The following ZNF783 variants were observed in gnomAD, a reference collection of about 807,000 sequenced individuals.
ZNF783 encodes protein ZNF783.
A neutral mutation model predicts 31.3 loss-of-function variants in ZNF783; 25 were observed. That is an observed-to-expected ratio of 0.80 (90% CI 0.58 to 1.11). The LOEUF (loss-of-function observed/expected upper bound fraction) is 1.11. ZNF783 is among the 50% of genes most tolerant of loss of function. ZNF783 has a pLI of 0.00. For synonymous variants in ZNF783, 369 were observed against 319.1 expected, an observed-to-expected ratio of 1.16 and a Z score of -1.66; for missense variants, 797 against 760.0, an observed-to-expected ratio of 1.05 and a Z score of -0.57.
At chr7:149,280,940 C>T (rs1018047388) in intron 5 of ZNF783, among the ~76,000 whole-genome samples, 8 of 152,246 alleles carry the variant, frequency 5.3e-5, no homozygotes, top group African/African-American at 1.9e-4. Context: ...TCTCAGGTCC[C>T]AGTGCCTCCT....
In ZNF783 at chr7:149,281,944, G is replaced by C; in HGVS notation, c.1242G>C (p.Glu414Asp). 1 of 1,556,920 alleles carries C rather than the reference G, an allele frequency of 6.4e-7. No individual in the cohort carries two copies. The highest frequency in any genetic ancestry group is 1.4e-5 in the African/African-American group (1 of 73,806). ...PVIRWLPEEP[E>D]GRRSVAGGRA... ...TCCGCTGGCTCCCCGAGGAGCCTGA[G>C]GGTCGCCGCTCCGTGGCAGGGGGCC... The change falls in exon 6 of 6, where the codon GAG becomes GAC. Residue 414 changes from glutamate (E) to aspartate (D), a missense_variant. Coordinates refer to ENST00000434415, the MANE Select transcript of ZNF783 (RefSeq NM_001195220.2).
chr7:149,276,322 G>A, intron 4 of ZNF783: 2 of 988,150 alleles, frequency 2.0e-6, no homozygotes, highest in Non-Finnish European at 2.4e-6. Flanking sequence ...CTGTTTAGTA[G>A]GATGGATGAT....
chr7:149,271,418 T>C (rs1797208492), intron 4 of ZNF783, among the ~76,000 whole-genome samples: 1 of 152,266 alleles, frequency 6.6e-6, no homozygotes, highest in Admixed American at 6.5e-5. Context: ...TAGACTTCCA[T>C]TGAAATACAA....
intron 1 of ZNF783, among the ~76,000 whole-genome samples, chr7:149,262,957 C>T (rs1796969613): frequency 6.6e-6 from 1 of 151,946 alleles, no homozygotes; most frequent in South Asian, 2.1e-4. Context: ...GGGAGTCTCG[C>T]TCTGTTGCGC....
chr7:149,282,118 C>T lies in ZNF783; in HGVS notation c.1416C>T (p.Gly472=), dbSNP rs768840265. 1.9e-6 allele frequency: 3 copies of T among 1,598,614 alleles called. No individual in the cohort carries two copies. Among genetic ancestry groups the T allele is most frequent in the African/African-American group, 2.7e-5 (2 of 74,906 alleles). ...GCTGGCCCGCCTGCCCCTACTGCGGCAAGGCCTTCCGCCGGCCCTCGGACC... is the reference window on the plus strand; with the variant it reads ...GCTGGCCCGCCTGCCCCTACTGCGGTAAGGCCTTCCGCCGGCCCTCGGACC... ...GQGWPACPYC[G]KAFRRPSDLF... Residue 472 remains glycine (G), a synonymous_variant, in exon 6 of 6, where the codon GGC becomes GGT. Coordinates refer to ENST00000434415, the MANE Select transcript of ZNF783 (RefSeq NM_001195220.2).
chr7:149,281,545 C>G lies in ZNF783; in HGVS notation c.843C>G (p.Asp281Glu). ...VAIKTEAQSE[D>E]EMTPERLFLG... Reference sequence around the variant, plus strand: ...TCAAGACAGAGGCACAGTCTGAAGACGAGATGACGCCTGAGCGGCTCTTTC... The same window carrying G: ...TCAAGACAGAGGCACAGTCTGAAGAGGAGATGACGCCTGAGCGGCTCTTTC... Residue 281 changes from aspartate to glutamate, a missense_variant, in exon 6 of 6, where the codon GAC becomes GAG. Coordinates refer to ENST00000434415, the MANE Select transcript of ZNF783 (RefSeq NM_001195220.2). 6.8e-7 allele frequency: 1 copy of G among 1,470,614 alleles called. No individual in the cohort carries two copies. The highest frequency in any genetic ancestry group is 2.5e-5 in the East Asian group (1 of 39,424). The allele number at this position is 1,470,614 out of a possible 1,614,324, so 91.1% of individuals were successfully genotyped here.
chr7:149,273,107 C>T (rs905551268), intron 4 of ZNF783, among the ~76,000 whole-genome samples: 4 of 152,062 alleles, frequency 2.6e-5, no homozygotes, highest in Non-Finnish European at 5.9e-5. Flanking sequence ...CTGAGTATTA[C>T]TCTATTGTGT....
At position 149,282,573 on chromosome 7, in the gene ZNF783, G is replaced by T; in HGVS notation, c.*230G>T. The T allele has an allele frequency of 2.0e-6, 1 of 496,374 alleles. No homozygotes were observed. Among genetic ancestry groups the T allele is most frequent in the Non-Finnish European group, 3.5e-6 (1 of 286,762 alleles). The allele number at this position is 496,374 out of a possible 1,614,324, so 30.7% of individuals were successfully genotyped here. On this transcript the variant is annotated 3_prime_UTR_variant, in exon 6 of 6. Coordinates refer to ENST00000434415, the MANE Select transcript of ZNF783 (RefSeq NM_001195220.2). Reference sequence around the variant, plus strand: ...TCTAAAAGATGCCTTAAGGCTTAAGGGATGCCATATTTTTGATAAGGCCTC... The same window carrying T: ...TCTAAAAGATGCCTTAAGGCTTAAGTGATGCCATATTTTTGATAAGGCCTC...
rs1403465062 is a variant in ZNF783 at position 149,263,292 on chromosome 7, GTGTGTGTGTGTGTATATATATA to G, written c.24+937_24+958del. ...TGTGTGTGTGTGTGTGTGTGTGTGT[GTGTGTGTGTGTGTATATATATA>G]TATATATATATTTTTTTTTTAGACA... On this transcript the variant is annotated intron_variant, in intron 1 of 5. Transcript: ENST00000434415. Among the ~76,000 whole-genome samples the G allele has an allele frequency of 2.9e-3, 243 of 82,780 alleles. 7 individuals are homozygous for G. The highest frequency in any genetic ancestry group is 9.8e-3 in the African/African-American group (223 of 22,752). The allele number at this position is 82,780 out of a possible 152,430, so 54.3% of individuals were successfully genotyped here. A position where few individuals can be genotyped will look rare whatever the true frequency, so the allele number is the denominator to read the frequency against.
At chr7:149,276,657 A>T (rs559281410) in intron 4 of ZNF783, 54 of 735,852 alleles carry the variant, frequency 7.3e-5, no homozygotes, top group East Asian at 3.7e-4. Context: ...GTTACTTTTT[A>T]TTTATTTATT....
chr7:149,272,455 G>T (rs575191385), intron 4 of ZNF783, among the ~76,000 whole-genome samples: 1 of 152,288 alleles, frequency 6.6e-6, no homozygotes, highest in East Asian at 1.9e-4. Flanking sequence ...TTGTGAGAAA[G>T]GTTCTCATGC....
intron 4 of ZNF783, chr7:149,276,350 A>T: frequency 2.0e-6 from 2 of 989,240 alleles, no homozygotes; most frequent in Non-Finnish European, 2.4e-6. Context: ...TCTTTGTTGT[A>T]GGAAGGATCC....
chr7:149,270,915 T>C (rs1454073773), intron 4 of ZNF783, among the ~76,000 whole-genome samples: 1 of 152,262 alleles, frequency 6.6e-6, no homozygotes, highest in African/African-American at 2.4e-5. Context: ...ATCATGAGTT[T>C]ATACATTGAT....
Position 149,266,714 on chromosome 7 carries a change from A to G in ZNF783, c.404A>G (p.Lys135Arg), listed in dbSNP as rs773025966. Residue 135 changes from lysine (K) to arginine (R), a missense_variant, in exon 2 of 6, where the codon AAG becomes AGG. Physicochemically the swap from Lys to Arg is conservative, Grantham distance 26 (BLOSUM62 2). Coordinates refer to ENST00000434415, the MANE Select transcript of ZNF783 (RefSeq NM_001195220.2). ...ATCTTGCGGCTGCCCCCGGGCAGCAAGGGGGAGGCCCCCAAGGTAGCACCG... is the reference window on the plus strand; with the variant it reads ...ATCTTGCGGCTGCCCCCGGGCAGCAGGGGGGAGGCCCCCAAGGTAGCACCG... ...FWILRLPPGS[K>R]GEAPKVPVTF... 3 of 1,613,918 alleles carry G rather than the reference A, an allele frequency of 1.9e-6. No individual in the cohort carries two copies. The highest frequency in any genetic ancestry group is 2.5e-6 in the Non-Finnish European group (3 of 1,179,918).
chr7:149,273,439 A>G lies in ZNF783; in HGVS notation c.674-4960A>G, dbSNP rs945420971. Reference sequence around the variant, plus strand: ...TTATTGCCCGTCTTTTGGATAAAAGACATCTTAACTGGGATGAGATGATAT... The same window carrying G: ...TTATTGCCCGTCTTTTGGATAAAAGGCATCTTAACTGGGATGAGATGATAT... On this transcript the variant is annotated intron_variant, in intron 4 of 5. Coordinates refer to ENST00000434415, the MANE Select transcript of ZNF783 (RefSeq NM_001195220.2). 5.3e-5 allele frequency among the ~76,000 whole-genome samples: 8 copies of G among 152,242 alleles called. No individual in the cohort carries two copies. In the South Asian group the frequency reaches 6.2e-4, roughly 12 times the overall value.
chr7:149,274,171 A>G (rs367839830), intron 4 of ZNF783, among the ~76,000 whole-genome samples: 2 of 152,032 alleles, frequency 1.3e-5, no homozygotes, highest in Non-Finnish European at 2.9e-5. Context: ...AGTTTCCCCA[A>G]TGTTTTCTTG....
Position 149,282,142 on chromosome 7 carries a change from C to G in ZNF783, c.1440C>G (p.Asp480Glu). The part of the protein sequence containing the change: ...YCGKAFRRPS[D>E]LFRHQRIHTG... The stretch of plus-strand genomic sequence containing the variant: ...GCAAGGCCTTCCGCCGGCCCTCGGA[C>G]CTCTTCCGGCACCAGCGCATCCACA... The change falls in exon 6 of 6, where the codon GAC becomes GAG. Residue 480 changes from aspartate to glutamate, a missense_variant. Transcript: ENST00000434415. 1 of 1,600,260 alleles carries G rather than the reference C, an allele frequency of 6.2e-7. No individual in the cohort carries two copies. The highest frequency in any genetic ancestry group is 1.1e-5 in the South Asian group (1 of 91,044).
intron 5 of ZNF783, among the ~76,000 whole-genome samples, chr7:149,280,291 T>G (rs972867570): frequency 7.2e-5 from 11 of 152,068 alleles, no homozygotes; most frequent in African/African-American, 2.7e-4. Flanking sequence ...AGGAGAGTCT[T>G]TAGATGGGGA....
rs777858278 is a variant in ZNF783 at position 149,266,314 on chromosome 7, C to T, written c.25-21C>T. ...ATTGTATAATTCTCATAACATCTCTCTTTTCTCTTCTTGTGAGCAGGACCC... is the reference window on the plus strand; with the variant it reads ...ATTGTATAATTCTCATAACATCTCTTTTTTCTCTTCTTGTGAGCAGGACCC... On this transcript the variant is annotated intron_variant, in intron 1 of 5. Coordinates refer to ENST00000434415, the MANE Select transcript of ZNF783 (RefSeq NM_001195220.2). 6 of 1,524,332 alleles carry T rather than the reference C, an allele frequency of 3.9e-6. No individual in the cohort carries two copies. In the South Asian group the frequency reaches 7.6e-5, roughly 19 times the overall value. 94.4% of individuals were successfully genotyped at this position (1,524,332 alleles called of 1,614,324 possible).
Sources: gnomAD v4.1 joint callset for allele counts (sites outside exome capture counted in the v4.1 genomes callset) on GRCh38, gnomAD v4.1.1 for gene constraint, MANE v1.5 for transcripts, NCBI Gene and HGNC (gene_info 2026-07-23, HGNC 2026-07-21) for gene names.